Variants in GRHL2 observed in about 807,000 individuals in gnomAD.
The protein encoded by GRHL2 is grainyhead like transcription factor 2, also known as grainyhead-like protein 2 homolog.
GRHL2 carries 21 observed loss-of-function variants against 83.8 expected under a neutral mutation model. That is an observed-to-expected ratio of 0.25 (90% CI 0.18 to 0.36). The LOEUF is 0.36. Among genes scored for constraint, GRHL2 ranks in the 10% least tolerant of loss-of-function variants. GRHL2 has a pLI of 1.00. For missense variants in GRHL2, 623 were observed against 781.8 expected (o/e 0.80, Z 2.42); for synonymous variants, 280 against 278.9 (o/e 1.00, Z -0.04).
intron 14 of GRHL2, among the ~76,000 whole-genome samples, chr8:101,650,238 G>A (rs1813594163): frequency 6.6e-6 from 1 of 152,228 alleles, no homozygotes; most frequent in Non-Finnish European, 1.5e-5. Context: ...CTTGGGTTAT[G>A]AAGCTAAATG....
rs935625716 is a variant in GRHL2, at chr8:101,667,120, G to T, written c.*417G>T. 5 of 263,698 alleles carry T rather than the reference G, an allele frequency of 1.9e-5. No individual in the cohort carries two copies. Among genetic ancestry groups the T allele is most frequent in the Non-Finnish European group, 2.3e-5 (3 of 132,890 alleles). The allele number at this position is 263,698 out of a possible 1,614,324, so 16.3% of individuals were successfully genotyped here. On this transcript the variant is annotated 3_prime_UTR_variant, in exon 16 of 16. Transcript: ENST00000646743. ...TCTCACCCCTCCATATCTATCTCCC[G>T]AGTGGCTGGACAAAATGAGCTACGT...
rs1418842705 is a variant in GRHL2, at chr8:101,608,776, C to CCT, written c.1098+9625_1098+9626insCT. The stretch of plus-strand genomic sequence containing the variant: ...ACACACACACACACACACACACACA[C>CCT]ACCTACACCTCATTTCTAAGTACTT... On this transcript the variant is annotated intron_variant, in intron 8 of 15. Coordinates refer to ENST00000646743, the MANE Select transcript of GRHL2 (RefSeq NM_024915.4). 6.2e-5 allele frequency among the ~76,000 whole-genome samples: 8 copies of CCT among 128,116 alleles called. 1 individual carries two copies. Among genetic ancestry groups the CCT allele is most frequent in the African/African-American group, 2.3e-4 (7 of 30,964 alleles). The allele number at this position is 128,116 out of a possible 152,430, so 84.0% of individuals were successfully genotyped here.
downstream of GRHL2, among the ~76,000 whole-genome samples, chr8:101,673,308 T>G (rs530347988): frequency 6.6e-6 from 1 of 151,800 alleles, no homozygotes; most frequent in Admixed American, 6.6e-5. Context: ...AGGAAACCCA[T>G]CTCACGTGCA....
At chr8:101,521,860 G>A (rs1287573644) in intron 1 of GRHL2, among the ~76,000 whole-genome samples, 5 of 152,260 alleles carry the variant, frequency 3.3e-5, no homozygotes, top group East Asian at 1.9e-4. Context: ...TAATCAGTTC[G>A]TAGATGAAAT....
At chr8:101,677,203 A>AAATAATAATAATAAT in the GRHL2 span, among the ~76,000 whole-genome samples, 11 of 148,320 alleles carry the variant, frequency 7.4e-5, no homozygotes, top group Admixed American at 6.0e-4. Flanking sequence ...CCTAAAACTT[A>AAATAATAATAATAAT]AATAATAACA....
intron 1 of GRHL2, among the ~76,000 whole-genome samples, chr8:101,504,518 G>A (rs548380865): frequency 3.9e-5 from 6 of 152,234 alleles, no homozygotes; most frequent in South Asian, 2.1e-4. Flanking sequence ...CTCAGACCCC[G>A]CCTGAATGTT....
rs185825766 is a variant in GRHL2, at chr8:101,580,187, A to G, written c.1003+2668A>G. 4.1e-3 allele frequency among the ~76,000 whole-genome samples: 631 copies of G among 152,186 alleles called. 1 individual carries two copies. Among genetic ancestry groups the G allele is most frequent in the Middle Eastern group, 0.01 (3 of 294 alleles). On this transcript the variant is annotated intron_variant, in intron 7 of 15. Coordinates refer to ENST00000646743, the MANE Select transcript of GRHL2 (RefSeq NM_024915.4). ...TCTTTTTTTTAAATTGATACATAAT[A>G]ATTATATGTACTTATGGAGTACCTG... is the stretch of plus-strand genomic sequence containing the variant.
At chr8:101,598,761 A>G (rs1032529092) in intron 7 of GRHL2, among the ~76,000 whole-genome samples, 5 of 152,208 alleles carry the variant, frequency 3.3e-5, no homozygotes, top group African/African-American at 9.6e-5. Flanking sequence ...GGCTTGGGAG[A>G]AAAAAGAAAA....
chr8:101,515,850 A>G (rs1810562377), intron 1 of GRHL2, among the ~76,000 whole-genome samples: 1 of 152,224 alleles, frequency 6.6e-6, no homozygotes, highest in African/African-American at 2.4e-5. Flanking sequence ...AATAATGTTA[A>G]TATCAAGCTC....
chr8:101,543,622 A>T, intron 2 of GRHL2, 186 bp downstream of exon 2: 1 of 659,084 alleles, frequency 1.5e-6, no homozygotes, highest in South Asian at 1.7e-5. Flanking sequence ...CAACTTTATC[A>T]CCCATCCAGA....
intron 7 of GRHL2, among the ~76,000 whole-genome samples, chr8:101,585,041 A>G (rs578140745): frequency 6.6e-6 from 1 of 150,838 alleles, no homozygotes; most frequent in East Asian, 2.0e-4. Flanking sequence ...CTGGCCAGGT[A>G]GCTAGGTGGT....
intron 1 of GRHL2, among the ~76,000 whole-genome samples, chr8:101,524,261 G>A (rs1366307093): frequency 2.0e-5 from 3 of 151,940 alleles, no homozygotes; most frequent in African/African-American, 4.8e-5. Context: ...GATTATCTTT[G>A]CCAGTTTGTT....
At chr8:101,541,147 GGTGTGTGTGTGTGTGTGTGTGTGT>G (rs56763374) in intron 1 of GRHL2, among the ~76,000 whole-genome samples, 5 of 144,258 alleles carry the variant, frequency 3.5e-5, no homozygotes, top group Non-Finnish European at 7.6e-5. Context: ...ACTATTTCAT[GGTGTGTGTGTGTGTGTGTGTGTGT>G]GTGTGTGTGT....
chr8:101,661,147 TAAA>T (rs368958063), intron 14 of GRHL2, among the ~76,000 whole-genome samples: 3,366 of 152,312 alleles, frequency 0.022, 125 homozygotes, highest in African/African-American at 0.075. Context: ...GCAATTTTTT[TAAA>T]AAGTCCATCA....
chr8:101,674,278 T>C (rs993573164), downstream of GRHL2, among the ~76,000 whole-genome samples: 3 of 152,194 alleles, frequency 2.0e-5, no homozygotes, highest in Admixed American at 2.0e-4. Context: ...AGCTGGTCTT[T>C]TGAAAAGATC....
At chr8:101,599,172 G>T (rs1812460007) in intron 8 of GRHL2, 21 bp downstream of exon 8, 1 of 1,457,308 alleles carries the variant, frequency 6.9e-7, no homozygotes, top group Non-Finnish European at 9.6e-7. Flanking sequence ...TTGATTCATT[G>T]TTTATACCTC....
At chr8:101,526,129 G>A (rs1257621677) in intron 1 of GRHL2, among the ~76,000 whole-genome samples, 1 of 152,096 alleles carries the variant, frequency 6.6e-6, no homozygotes, top group Non-Finnish European at 1.5e-5. Flanking sequence ...TGTTATTTTG[G>A]TTAGAGAATC....
intron 7 of GRHL2, among the ~76,000 whole-genome samples, chr8:101,578,423 C>T (rs633527): frequency 0.82 from 125,414 of 152,132 alleles, 53,328 homozygotes; most frequent in Non-Finnish European, 0.94. Context: ...TGCCTCCCAT[C>T]GGCAGAATTT....
intron 1 of GRHL2, among the ~76,000 whole-genome samples, chr8:101,496,845 G>C (rs765755731): frequency 6.6e-6 from 1 of 152,086 alleles, no homozygotes; most frequent in Non-Finnish European, 1.5e-5. Context: ...CCAGGGCCCT[G>C]AGGTGAGAGT....
Sources: gnomAD v4.1 joint callset for allele counts (sites outside exome capture counted in the v4.1 genomes callset) on GRCh38, gnomAD v4.1.1 for gene constraint, MANE v1.5 for transcripts, NCBI Gene and HGNC (gene_info 2026-07-23, HGNC 2026-07-21) for gene names.